JHY: variants seen among roughly 807,000 people sequenced by gnomAD.
The protein encoded by JHY is jhy protein homolog.
In JHY, 69 loss-of-function variants were observed where a neutral mutation model predicts 78.0. The ratio of observed to expected loss-of-function variants is 0.88; its 90% CI spans 0.73 to 1.08. The LOEUF is 1.08. JHY is among the 50% of genes least tolerant of loss of function. The pLI, the probability that JHY is intolerant of heterozygous loss-of-function variation, is 0.00. For synonymous variants in JHY, 368 were observed against 342.6 expected (o/e 1.07, Z -0.82); for missense variants, 944 against 927.8 (o/e 1.02, Z -0.23).
chr11:122,931,816 A>G (rs957061540), intron 4 of JHY, among the ~76,000 whole-genome samples: 1 of 152,192 alleles, frequency 6.6e-6, no homozygotes, highest in Non-Finnish European at 1.5e-5. Context: ...AGAAACAACA[A>G]GGTGCTGGCT....
intron 3 of JHY, among the ~76,000 whole-genome samples, chr11:122,909,599 G>A (rs1863071143): frequency 6.6e-6 from 1 of 152,088 alleles, no homozygotes; most frequent in Non-Finnish European, 1.5e-5. Flanking sequence ...GGCCAACATT[G>A]TGAAACCCAT....
intron 2 of JHY, among the ~76,000 whole-genome samples, chr11:122,888,782 G>A (rs889639693): frequency 2.6e-5 from 4 of 151,914 alleles, no homozygotes; most frequent in Admixed American, 2.6e-4. Flanking sequence ...TATTTCATAG[G>A]TGATCTATAA....
intron 7 of JHY, 74 bp from the exon 8 acceptor site, chr11:122,957,288 AG>A: frequency 7.0e-7 from 1 of 1,436,804 alleles, no homozygotes; most frequent in South Asian, 1.6e-5. Context: ...TACTGAAACC[AG>A]GGCATCGCTT....
rs539129332 is a variant in JHY at position 122,886,175 on chromosome 11, A to ACCAGGGCCC, written c.333_334insCCCCAGGGC (p.Gly111_Ala112insProGlnGly). 616 of 1,611,344 alleles carry ACCAGGGCCC rather than the reference A, an allele frequency of 3.8e-4. 6 individuals carry two copies. The South Asian group carries it at 6.4e-3, about 17-fold the overall frequency. On this transcript the variant is annotated inframe_insertion, in exon 2 of 9. Transcript: ENST00000227349. ...CGCGAGCAAAACCACCATACCTGGG[A>ACCAGGGCCC]CCAGGGCGCCAATAACAGGTAAGGA...
intron 5 of JHY, among the ~76,000 whole-genome samples, chr11:122,937,254 T>C (rs1032401767): frequency 1.7e-4 from 26 of 151,608 alleles, no homozygotes; most frequent in Non-Finnish European, 3.7e-4. Context: ...TTTTTTTTTT[T>C]TTTAATTTTT....
rs749610111 is a variant in JHY, at chr11:122,957,317, G to A, written c.2011-46G>A. ...CATCGCTTTAAATAGAGAGCAGAGAGAACTAGCAGCACCTGGATTCATCAT... is the reference window on the plus strand; with the variant it reads ...CATCGCTTTAAATAGAGAGCAGAGAAAACTAGCAGCACCTGGATTCATCAT... On this transcript the variant is annotated intron_variant, in intron 7 of 8. Transcript: ENST00000227349. The A allele has an allele frequency of 1.8e-5, 27 of 1,494,446 alleles. No individual in the cohort carries two copies. In the Admixed American group the frequency reaches 7.1e-4, roughly 39 times the overall value. The allele number at this position is 1,494,446 out of a possible 1,614,324, so 92.6% of individuals were successfully genotyped here.
intron 3 of JHY, among the ~76,000 whole-genome samples, chr11:122,924,403 G>C (rs751742688): frequency 1.3e-5 from 2 of 152,114 alleles, no homozygotes; most frequent in Non-Finnish European, 2.9e-5. Context: ...CAAAAAGGGG[G>C]TAATAACATA....
Position 122,904,023 on chromosome 11 carries a change from C to T in JHY, c.443C>T (p.Pro148Leu), listed in dbSNP as rs1450781444. Residue 148 changes from proline (P) to leucine (L), a missense_variant, in exon 3 of 9, where the codon CCG becomes CTG. Transcript: ENST00000227349. The part of the protein sequence containing the change: ...EGQLLSVEAL[P>L]ESTDSSLENL... ...CAGCTGCTGTCTGTGGAAGCGTTGCCGGAGTCCACGGACAGCTCTTTAGAA... is the reference window on the plus strand; with the variant it reads ...CAGCTGCTGTCTGTGGAAGCGTTGCTGGAGTCCACGGACAGCTCTTTAGAA... The T allele has an allele frequency of 4.3e-6, 7 of 1,614,108 alleles. No individual in the cohort carries two copies. Among genetic ancestry groups the T allele is most frequent in the South Asian group, 2.2e-5 (2 of 91,076 alleles).
At chr11:122,947,999 G>A (rs1864001519) in intron 6 of JHY, among the ~76,000 whole-genome samples, 1 of 152,178 alleles carries the variant, frequency 6.6e-6, no homozygotes, top group Non-Finnish European at 1.5e-5. Context: ...GGCTGAGGCA[G>A]TGTTTAGGGA....
At chr11:122,922,284 T>C (rs574105101) in intron 3 of JHY, among the ~76,000 whole-genome samples, 67 of 152,300 alleles carry the variant, frequency 4.4e-4, no homozygotes, top group Middle Eastern at 3.4e-3. Flanking sequence ...TATCTCTCTA[T>C]ATATAAGTAC....
intron 8 of JHY, among the ~76,000 whole-genome samples, chr11:122,958,264 A>G (rs1270531611): frequency 6.6e-6 from 1 of 152,154 alleles, no homozygotes; most frequent in Non-Finnish European, 1.5e-5. Flanking sequence ...AGGACACGGG[A>G]CCCTTTGCAT....
intron 4 of JHY, among the ~76,000 whole-genome samples, chr11:122,933,927 CA>C (rs1193531954): frequency 6.6e-6 from 1 of 152,106 alleles, no homozygotes; most frequent in Middle Eastern, 3.2e-3. Context: ...AAAGCTTCCC[CA>C]CCTCATCCCC....
chr11:122,916,418 A>C (rs1012714347), intron 3 of JHY, among the ~76,000 whole-genome samples: 2 of 152,110 alleles, frequency 1.3e-5, no homozygotes, highest in African/African-American at 2.4e-5. Flanking sequence ...AATATACACT[A>C]ATTCACCAGT....
intron 3 of JHY, among the ~76,000 whole-genome samples, chr11:122,919,907 A>G (rs1863324911): frequency 2.0e-5 from 3 of 152,264 alleles, no homozygotes; most frequent in Admixed American, 2.0e-4. Flanking sequence ...GAGGTAATCT[A>G]TAGGAATGGA....
At chr11:122,928,729 A>G (rs1863569138) in intron 4 of JHY, among the ~76,000 whole-genome samples, 2 of 152,060 alleles carry the variant, frequency 1.3e-5, no homozygotes, top group African/African-American at 4.8e-5. Context: ...GCTCACTGCA[A>G]GCTCCGTCTC....
chr11:122,956,621 A>T, intron 7 of JHY, 45 bp downstream of exon 7: 1 of 1,544,622 alleles, frequency 6.5e-7, no homozygotes, highest in East Asian at 2.3e-5. Flanking sequence ...GACTCAGCCC[A>T]TCTGTCTGTT....
intron 2 of JHY, among the ~76,000 whole-genome samples, chr11:122,901,951 A>C (rs1862870108): frequency 6.6e-6 from 1 of 152,004 alleles, no homozygotes; most frequent in Non-Finnish European, 1.5e-5. Flanking sequence ...GTCTAGGCCC[A>C]CACAGGGTTC....
In JHY at chr11:122,912,478, A is replaced by G. The variant is rs140273852; in HGVS notation, c.864+8034A>G. ...TTGCTAGGGAACAACGAAATATTGG[A>G]GAAAAACTAAAACCAAAACAAAATA... On this transcript the variant is annotated intron_variant, in intron 3 of 8. Transcript: ENST00000227349. Among the ~76,000 whole-genome samples, 355 of 152,250 alleles carry G rather than the reference A, an allele frequency of 2.3e-3. 1 individual carries two copies. Among genetic ancestry groups the G allele is most frequent in the African/African-American group, 8.1e-3 (338 of 41,550 alleles).
chr11:122,920,753 C>A (rs1043425868), intron 3 of JHY, among the ~76,000 whole-genome samples: 1 of 152,188 alleles, frequency 6.6e-6, no homozygotes, highest in Non-Finnish European at 1.5e-5. Context: ...CTGCTCTGCG[C>A]CTTACCTCAG....
Sources: allele counts gnomAD v4.1 joint callset (sites outside exome capture counted in the v4.1 genomes callset), GRCh38; gene constraint gnomAD v4.1.1; transcripts MANE v1.5; gene names NCBI Gene and HGNC (gene_info 2026-07-23, HGNC 2026-07-21).